Variants in INF2 observed in about 807,000 individuals in gnomAD.
The protein encoded by INF2 is inverted formin 2.
INF2 carries 43 observed loss-of-function variants against 123.5 expected under a neutral mutation model. The ratio of observed to expected loss-of-function variants is 0.35; its 90% CI spans 0.27 to 0.45. The LOEUF (loss-of-function observed/expected upper bound fraction) is 0.45, where lower values mean the gene tolerates loss of function less well. Ranked by LOEUF, INF2 falls within the 20% of genes least tolerant of loss-of-function variation. The pLI is 1.00. For missense variants in INF2, 1,453 were observed against 1,682.7 expected, an observed-to-expected ratio of 0.86 and a Z score of 2.39; for synonymous variants, 851 against 745.0, an observed-to-expected ratio of 1.14 and a Z score of -2.32.
intron 15 of INF2, 48 bp from the exon 16 acceptor site, chr14:104,711,581 G>A: frequency 6.5e-7 from 1 of 1,534,932 alleles, no homozygotes. Context: ...TCATCCCCAG[G>A]TGGAGAGTAT....
At chr14:104,681,523 A>C (rs1474694175) in exon 1 of INF2, 2 of 1,285,688 alleles carry the variant, frequency 1.6e-6, no homozygotes, top group Non-Finnish European at 2.0e-6. Flanking sequence ...CCTCTCAGCA[A>C]ACTCCACGTC....
intron 8 of INF2, 120 bp downstream of exon 8, chr14:104,708,122 C>T (rs1301406581): frequency 1.4e-6 from 2 of 1,465,474 alleles, no homozygotes; most frequent in African/African-American, 2.8e-5. Flanking sequence ...GTGGCCAGGG[C>T]AGCCTGGCCC....
chr14:104,703,026 C>A, intron 2 of INF2, 79 bp from the exon 3 acceptor site: 1 of 1,212,292 alleles, frequency 8.2e-7, no homozygotes, highest in Non-Finnish European at 1.2e-6. Flanking sequence ...AGGCCCAGAG[C>A]CCCAGCCCTG....
At position 104,711,820 on chromosome 14, in the gene INF2, A is replaced by G. The variant is rs757412450; in HGVS notation, c.2489+121A>G. ...ACAGCTGCAGCGCAGCCCCGGCGCC[A>G]CGGAGCCCTGCCCAATAGAACACTT... On this transcript the variant is annotated intron_variant, in intron 16 of 22. Coordinates refer to ENST00000392634, the MANE Select transcript of INF2 (RefSeq NM_022489.4). 5.2e-4 allele frequency: 434 copies of G among 837,174 alleles called. 1 individual carries two copies. Among genetic ancestry groups the G allele is most frequent in the Non-Finnish European group, 7.3e-4 (379 of 515,886 alleles). The allele number at this position is 837,174 out of a possible 1,614,324, so 51.9% of individuals were successfully genotyped here.
At position 104,708,648 on chromosome 14, in the gene INF2, C is replaced by T. The variant is rs554956945; in HGVS notation, c.1888-23C>T. On this transcript the variant is annotated intron_variant, in intron 9 of 22. Transcript: ENST00000392634. ...TGCCTGGCCACCCTCCGGTACCAGC[C>T]TGTTGGGTGGGGGGTTTTCTAGATC... is the stretch of plus-strand genomic sequence containing the variant. 5.6e-6 allele frequency: 9 copies of T among 1,612,842 alleles called. No homozygotes were observed. In the South Asian group the frequency reaches 7.7e-5, roughly 14 times the overall value.
Position 104,701,550 on chromosome 14 carries a change from G to T in INF2, c.185G>T (p.Gly62Val). 1 of 1,608,586 alleles carries T rather than the reference G, an allele frequency of 6.2e-7. No individual in the cohort carries two copies. Residue 62 changes from glycine to valine, a missense_variant, in exon 2 of 23, where the codon GGC becomes GTC. Coordinates refer to ENST00000392634, the MANE Select transcript of INF2 (RefSeq NM_022489.4). ...GLRKRLEGSD[G>V]GWMVQFLEQS... ...CGCAAGCGCCTGGAGGGCAGCGACG[G>T]CGGCTGGATGGTGCAGTTCCTGGAG...
chr14:104,699,661 G>A lies in INF2; in HGVS notation c.-9-1696G>A, dbSNP rs936643033. The A allele has an allele frequency of 1.1e-6, 1 of 888,414 alleles. No homozygotes were observed. Among genetic ancestry groups the A allele is most frequent in the Non-Finnish European group, 1.3e-6 (1 of 741,376 alleles). 55.0% of individuals were successfully genotyped at this position (888,414 alleles called of 1,614,324 possible). On this transcript the variant is annotated intron_variant, in intron 1 of 22. Transcript: ENST00000392634. This position sits in a 1 kb window ranked among gnomAD's most constrained non-coding sequence, Gnocchi z 4.7. ...CCTGGGAGGGTGGCTTAAAACCACA[G>A]TGCACCGGGGGCTCCGGGCTCTCCG...
At position 104,720,327 on chromosome 14, in the gene INF2, C is replaced by T. The variant is rs906316619; in HGVS notation, c.*1534C>T. On this transcript the variant is annotated 3_prime_UTR_variant, in exon 23 of 23. Transcript: ENST00000392634. ...CTTCTGTGAATCCTGCTGCTGTGGA[C>T]ATTTGCGTAGTCCTCGTGTGGATGC... The T allele has an allele frequency of 1.1e-5, 2 of 177,202 alleles. No individual in the cohort carries two copies. Among genetic ancestry groups the T allele is most frequent in the Non-Finnish European group, 2.4e-5 (2 of 83,930 alleles). The allele number at this position is 177,202 out of a possible 1,614,324, so 11.0% of individuals were successfully genotyped here. A position where few individuals can be genotyped will look rare whatever the true frequency, so the allele number is the denominator to read the frequency against.
At chr14:104,701,279 T>C (rs541741841) in intron 1 of INF2, 78 bp from the exon 2 acceptor site, 5 of 1,463,098 alleles carry the variant, frequency 3.4e-6, no homozygotes, top group East Asian at 5.0e-5. Context: ...CCGAGGGAAG[T>C]GGCCCCGCCT....
chr14:104,713,392 C>G (rs1415490708), intron 19 of INF2, 53 bp from the exon 20 acceptor site: 15 of 1,583,542 alleles, frequency 9.5e-6, no homozygotes, highest in Non-Finnish European at 6.0e-6. Context: ...CCCCAGCCCT[C>G]TAGGTGGGCT....
At chr14:104,705,115 G>A (rs775114105) in intron 5 of INF2, among the ~76,000 whole-genome samples, 1 of 152,200 alleles carries the variant, frequency 6.6e-6, no homozygotes, top group Non-Finnish European at 1.5e-5. Context: ...TAGAATGCCT[G>A]GTGTTGAAAT....
In INF2 at chr14:104,699,411, TG is replaced by T; in HGVS notation, c.-9-1944del. 5.7e-5 allele frequency: 56 copies of T among 985,226 alleles called. No individual in the cohort carries two copies. The highest frequency in any genetic ancestry group is 6.7e-5 in the Non-Finnish European group (56 of 829,894). The allele number at this position is 985,226 out of a possible 1,614,324, so 61.0% of individuals were successfully genotyped here. On this transcript the variant is annotated intron_variant, in intron 1 of 22. Coordinates refer to ENST00000392634, the MANE Select transcript of INF2 (RefSeq NM_022489.4). This position sits in a 1 kb window ranked among gnomAD's most constrained non-coding sequence, Gnocchi z 4.7. ...AGAGGCCCGGCTGCCTGGCTCTTCA[TG>T]GTGGTGGGAGCAACCCTACTGCCAC...
At position 104,712,562 on chromosome 14, in the gene INF2, G is replaced by C; in HGVS notation, c.2610+9G>C. The C allele has an allele frequency of 6.2e-7, 1 of 1,612,576 alleles. No individual in the cohort carries two copies. On this transcript the variant is annotated intron_variant, in intron 17 of 22. Coordinates refer to ENST00000392634, the MANE Select transcript of INF2 (RefSeq NM_022489.4). ...ACACCGAGCGCCTCCAGGCAAGTGG[G>C]CACCTGGGCCTGGGGCTGGCGGGAG...
chr14:104,697,246 C>T (rs982681351), intron 1 of INF2, among the ~76,000 whole-genome samples: 12 of 152,210 alleles, frequency 7.9e-5, no homozygotes, highest in Non-Finnish European at 1.5e-4. Context: ...TGTGGAAGGC[C>T]CTCCTCGCCT....
intron 1 of INF2, chr14:104,689,983 G>GT (rs1331792062): frequency 6.5e-6 from 1 of 153,198 alleles, no homozygotes; most frequent in East Asian, 1.9e-4. Flanking sequence ...CCGCCCGAGC[G>GT]CGCACTGGCC....
rs558467660 is a variant in INF2 at position 104,701,793 on chromosome 14, C to T, written c.391+37C>T. 8.3e-6 allele frequency: 12 copies of T among 1,452,416 alleles called. No homozygotes were observed. In the East Asian group the frequency reaches 2.0e-4, roughly 24 times the overall value. The allele number at this position is 1,452,416 out of a possible 1,614,324, so 90.0% of individuals were successfully genotyped here. On this transcript the variant is annotated intron_variant, in intron 2 of 22. Coordinates refer to ENST00000392634, the MANE Select transcript of INF2 (RefSeq NM_022489.4). ...TGTGGGAGGGCCGCCCAGGCGGACG[C>T]TGGGGACCTGGTATGAGGCTTCAGG... is the stretch of plus-strand genomic sequence containing the variant.
rs1348328624 is a variant in INF2 at position 104,706,936 on chromosome 14, G to C, written c.870G>C (p.Gln290His). ...TGAGCTGCTCCCCGGTGTCTGCCCA[G>C]CTCCTGTCGGTGCTGCAGGGCCTCC... is the stretch of plus-strand genomic sequence containing the variant. ...HKVSCSPVSA[Q>H]LLSVLQGLLH... The change falls in exon 7 of 23, where the codon CAG becomes CAC. Residue 290 changes from glutamine to histidine, a missense_variant. Physicochemically the swap from Gln to His is conservative, Grantham distance 24. Around this residue, in one of 8 missense-constraint regions of INF2, gnomAD observed 251 missense variants for 349.4 expected, o/e 0.72. Transcript: ENST00000392634. The C allele has an allele frequency of 1.2e-6, 2 of 1,603,862 alleles. No individual in the cohort carries two copies. The highest frequency in any genetic ancestry group is 2.7e-5 in the African/African-American group (2 of 74,852).
chr14:104,714,237 C>G lies in INF2; in HGVS notation c.3075C>G (p.Gly1025=), dbSNP rs1223262094. 1 of 1,569,600 alleles carries G rather than the reference C, an allele frequency of 6.4e-7. No individual in the cohort carries two copies. Among genetic ancestry groups the G allele is most frequent in the Non-Finnish European group, 8.6e-7 (1 of 1,159,514 alleles). ...GTAACCCTGCAGGAGATCCCGTGGG[C>G]AGCACGCGCTGTCCCGCCTCTGAGC... ...ATSNPAGDPV[G]STRCPASEPG... The change falls in exon 21 of 23, where the codon GGC becomes GGG. Residue 1025 remains glycine, a synonymous_variant. Transcript: ENST00000392634.
At chr14:104,695,863 T>A (rs1456664495) in intron 1 of INF2, among the ~76,000 whole-genome samples, 1 of 152,004 alleles carries the variant, frequency 6.6e-6, no homozygotes, top group Non-Finnish European at 1.5e-5. Flanking sequence ...CAGAGTGCCA[T>A]GAAGGACCCC....
Sources: gnomAD v4.1 joint callset for allele counts (sites outside exome capture counted in the v4.1 genomes callset) on GRCh38, gnomAD v4.1.1 for gene constraint, gnomAD v4.1.1 regional missense constraint, Gnocchi (gnomAD v3.1) non-coding constraint, MANE v1.5 for transcripts, NCBI Gene and HGNC (gene_info 2026-07-23, HGNC 2026-07-21) for gene names.